ARHGEF3: variants seen among roughly 807,000 people sequenced by gnomAD.
The protein encoded by ARHGEF3 is Rho guanine nucleotide exchange factor 3.
Under a neutral mutation model 63.2 loss-of-function variants are expected in ARHGEF3, and 28 were observed. That is an observed-to-expected ratio of 0.44 (90% confidence interval 0.33 to 0.61). The LOEUF is 0.61. ARHGEF3 is among the 20% of genes least tolerant of loss of function. The pLI is 0.03. For synonymous variants in ARHGEF3, 266 were observed against 254.2 expected, an observed-to-expected ratio of 1.05 and a Z score of -0.44; for missense variants, 533 against 659.3, an observed-to-expected ratio of 0.81 and a Z score of 2.10.
intron 2 of ARHGEF3, among the ~76,000 whole-genome samples, chr3:56,764,794 T>C (rs2035614763): frequency 6.6e-6 from 1 of 151,426 alleles, no homozygotes. Context: ...TTTCGCTTTG[T>C]TGCCCAGGCT....
At chr3:56,962,721 C>G (rs1453799127) in intron 2 of ARHGEF3, among the ~76,000 whole-genome samples, 1 of 152,084 alleles carries the variant, frequency 6.6e-6, no homozygotes, top group African/African-American at 2.4e-5. Context: ...AGCTCCCCAC[C>G]CTTGGGAAAG....
chr3:56,998,017 G>T (rs1460974238), intron 2 of ARHGEF3, among the ~76,000 whole-genome samples: 2 of 152,144 alleles, frequency 1.3e-5, no homozygotes, highest in Non-Finnish European at 2.9e-5. Context: ...TAACTTTGAT[G>T]TCCTGCAACT....
chr3:57,024,476 G>GT (rs1703389002), intron 2 of ARHGEF3, among the ~76,000 whole-genome samples: 1 of 151,924 alleles, frequency 6.6e-6, no homozygotes, highest in South Asian at 2.1e-4. Context: ...TTTGTGTAGG[G>GT]TAAGAGCAAT....
intron 3 of ARHGEF3, among the ~76,000 whole-genome samples, chr3:56,921,846 T>G (rs781170402): frequency 6.6e-6 from 1 of 152,106 alleles, no homozygotes; most frequent in Non-Finnish European, 1.5e-5. Context: ...AATAGAAAAG[T>G]CTTCATCTAT....
intron 3 of ARHGEF3, among the ~76,000 whole-genome samples, chr3:56,884,619 C>T (rs147842409): frequency 9.4e-4 from 143 of 152,342 alleles, no homozygotes; most frequent in Non-Finnish European, 1.5e-3. Context: ...GATTAACAAG[C>T]TCACCCAGTG....
intron 3 of ARHGEF3, among the ~76,000 whole-genome samples, chr3:56,885,123 A>C (rs1041249260): frequency 6.6e-6 from 1 of 152,172 alleles, no homozygotes; most frequent in Non-Finnish European, 1.5e-5. Flanking sequence ...GATCACAATC[A>C]GCAACACGTG....
chr3:56,778,443 G>A (rs536140232), intron 1 of ARHGEF3, among the ~76,000 whole-genome samples: 4 of 152,188 alleles, frequency 2.6e-5, no homozygotes, highest in South Asian at 2.1e-4. Flanking sequence ...CTCTGCTTTC[G>A]GACACAAACA....
At chr3:56,794,017 G>A (rs1216031684) in intron 1 of ARHGEF3, among the ~76,000 whole-genome samples, 3 of 152,162 alleles carry the variant, frequency 2.0e-5, no homozygotes, top group African/African-American at 7.2e-5. Context: ...AGCAAGGACA[G>A]GAAAGAGATA....
chr3:56,912,600 G>T (rs1286248897), intron 3 of ARHGEF3, among the ~76,000 whole-genome samples: 2 of 152,200 alleles, frequency 1.3e-5, no homozygotes, highest in Non-Finnish European at 2.9e-5. Flanking sequence ...CTACAGTGTT[G>T]TAAGACTTTC....
intron 3 of ARHGEF3, among the ~76,000 whole-genome samples, chr3:56,918,631 C>G (rs1191345357): frequency 6.6e-6 from 1 of 152,198 alleles, no homozygotes; most frequent in African/African-American, 2.4e-5. Flanking sequence ...TGCCCTTGCT[C>G]TGACCAGAAG....
chr3:56,787,637 A>T (rs1273034723), intron 1 of ARHGEF3, among the ~76,000 whole-genome samples: 2 of 152,080 alleles, frequency 1.3e-5, no homozygotes, highest in African/African-American at 2.4e-5. Flanking sequence ...GGCAGTGGTG[A>T]AATCTGAATT....
At chr3:56,987,087 C>T (rs1701572785) in intron 2 of ARHGEF3, among the ~76,000 whole-genome samples, 1 of 152,160 alleles carries the variant, frequency 6.6e-6, no homozygotes, top group Admixed American at 6.5e-5. Flanking sequence ...TGATGCATGC[C>T]TGTAGTCCCA....
chr3:56,908,216 G>A (rs1490079084), intron 3 of ARHGEF3, among the ~76,000 whole-genome samples: 1 of 152,220 alleles, frequency 6.6e-6, no homozygotes, highest in Non-Finnish European at 1.5e-5. Context: ...AGCGGGGACT[G>A]ATTTCCTGAT....
At chr3:56,798,818 C>G (rs2037500424) in intron 1 of ARHGEF3, among the ~76,000 whole-genome samples, 1 of 152,150 alleles carries the variant, frequency 6.6e-6, no homozygotes, top group Admixed American at 6.5e-5. Context: ...CTGTGAAATT[C>G]TAGAGCCATG....
intron 4 of ARHGEF3, among the ~76,000 whole-genome samples, chr3:56,859,158 A>ATTGTT (rs1324718803): frequency 2.6e-5 from 4 of 151,956 alleles, no homozygotes; most frequent in Non-Finnish European, 5.9e-5. Context: ...TGACTGTATT[A>ATTGTT]TTGTTTTGTT....
chr3:56,925,449 C>A (rs2042251218), intron 3 of ARHGEF3, among the ~76,000 whole-genome samples: 2 of 152,136 alleles, frequency 1.3e-5, no homozygotes, highest in African/African-American at 4.8e-5. Context: ...TAGGACCATG[C>A]CTTATACCCC....
intron 1 of ARHGEF3, among the ~76,000 whole-genome samples, chr3:57,056,163 A>G (rs9862144): frequency 0.87 from 132,455 of 151,908 alleles, 57,831 homozygotes; most frequent in East Asian, 0.97. Flanking sequence ...TGAGGTGGGC[A>G]GATCCCGAGA....
intron 2 of ARHGEF3, among the ~76,000 whole-genome samples, chr3:57,015,833 C>T (rs539715803): frequency 5.3e-5 from 8 of 152,216 alleles, no homozygotes; most frequent in East Asian, 3.9e-4. Context: ...CTAGACACTT[C>T]GCCACCCTTG....
chr3:56,821,851 G>A (rs2038506463), intron 4 of ARHGEF3, among the ~76,000 whole-genome samples: 1 of 151,780 alleles, frequency 6.6e-6, no homozygotes, highest in Admixed American at 6.6e-5. Context: ...GTAGTACTAG[G>A]TACTCGGGAG....
Sources: allele counts gnomAD v4.1 joint callset (sites outside exome capture counted in the v4.1 genomes callset), GRCh38; gene constraint gnomAD v4.1.1; transcripts MANE v1.5; gene names NCBI Gene and HGNC (gene_info 2026-07-23, HGNC 2026-07-21).